Variants in CNTNAP4 observed in about 807,000 individuals in gnomAD.
CNTNAP4 encodes the protein contactin-associated protein-like 4.
In CNTNAP4, 98 loss-of-function variants were observed where a neutral mutation model predicts 148.4. The ratio of observed to expected loss-of-function variants is 0.66; its 90% CI spans 0.56 to 0.78. CNTNAP4 has a LOEUF of 0.78. Ranked by LOEUF, CNTNAP4 falls within the 30% of genes least tolerant of loss-of-function variation. The pLI is 0.00. For synonymous variants in CNTNAP4, 730 were observed against 565.1 expected, an observed-to-expected ratio of 1.29 and a Z score of -4.14; for missense variants, 1,935 against 1,565.6, an observed-to-expected ratio of 1.24 and a Z score of -3.98.
intron 1 of CNTNAP4, among the ~76,000 whole-genome samples, chr16:76,315,824 A>G (rs1464856564): frequency 6.6e-6 from 1 of 151,910 alleles, no homozygotes; most frequent in East Asian, 1.9e-4. Context: ...TGAACTCCTG[A>G]CATCCAGTAA....
At chr16:76,479,948 A>G (rs1597680523) in intron 12 of CNTNAP4, among the ~76,000 whole-genome samples, 2 of 152,308 alleles carry the variant, frequency 1.3e-5, no homozygotes, top group East Asian at 3.9e-4. Context: ...ATTAAATTCA[A>G]CATTCATCCA....
At chr16:76,320,997 C>T (rs537391518) in intron 2 of CNTNAP4, among the ~76,000 whole-genome samples, 1 of 152,248 alleles carries the variant, frequency 6.6e-6, no homozygotes, top group African/African-American at 2.4e-5. Flanking sequence ...CTGTGAGTTT[C>T]CACTCACATC....
intron 1 of CNTNAP4, among the ~76,000 whole-genome samples, chr16:76,315,511 T>A (rs763493145): frequency 1.3e-5 from 2 of 152,230 alleles, no homozygotes; most frequent in Non-Finnish European, 2.9e-5. Context: ...TAGTCTAATG[T>A]CCATAAACTA....
chr16:76,457,157 G>A (rs561514662), intron 8 of CNTNAP4, among the ~76,000 whole-genome samples: 13 of 152,274 alleles, frequency 8.5e-5, no homozygotes, highest in African/African-American at 2.6e-4. Context: ...TCTCCTTCCT[G>A]TTTCACAGTG....
intron 3 of CNTNAP4, among the ~76,000 whole-genome samples, chr16:76,417,334 C>G (rs566625806): frequency 6.6e-6 from 1 of 151,150 alleles, no homozygotes; most frequent in East Asian, 1.9e-4. Context: ...TTTTATGATT[C>G]TATTTTATCT....
At chr16:76,527,536 G>A (rs2083794620) in intron 17 of CNTNAP4, among the ~76,000 whole-genome samples, 1 of 152,126 alleles carries the variant, frequency 6.6e-6, no homozygotes, top group Non-Finnish European at 1.5e-5. Flanking sequence ...TGGATATGGG[G>A]CAAATGAATG....
intron 21 of CNTNAP4, among the ~76,000 whole-genome samples, chr16:76,547,067 T>C (rs939890066): frequency 3.5e-4 from 53 of 152,340 alleles, no homozygotes; most frequent in African/African-American, 1.3e-3. Flanking sequence ...TCTGATGTCA[T>C]GTCTAAGTAC....
chr16:76,537,239 C>G (rs147188242), intron 18 of CNTNAP4, among the ~76,000 whole-genome samples: 18 of 151,874 alleles, frequency 1.2e-4, no homozygotes, highest in Non-Finnish European at 2.5e-4. Context: ...ATATAAAATG[C>G]GTGTTATAGA....
At chr16:76,324,265 A>G (rs981203825) in intron 2 of CNTNAP4, among the ~76,000 whole-genome samples, 1 of 152,218 alleles carries the variant, frequency 6.6e-6, no homozygotes, top group African/African-American at 2.4e-5. Flanking sequence ...GTCAATTAAA[A>G]TATATTCACA....
At chr16:76,443,945 A>G (rs897743038) in intron 4 of CNTNAP4, among the ~76,000 whole-genome samples, 1 of 152,182 alleles carries the variant, frequency 6.6e-6, no homozygotes, top group Non-Finnish European at 1.5e-5. Flanking sequence ...ATCCAAACGT[A>G]TGTTTTCAGT....
chr16:76,522,709 T>TC (rs1568497596), intron 17 of CNTNAP4, among the ~76,000 whole-genome samples: 7,457 of 39,030 alleles, frequency 0.19, 1,399 homozygotes, highest in Admixed American at 0.24. Flanking sequence ...TTCTTTTCTT[T>TC]TCTTTTCTTT....
At position 76,305,000 on chromosome 16, in the gene CNTNAP4, C is replaced by T. The variant is rs910292687; in HGVS notation, c.86-11413C>T. Among the ~76,000 whole-genome samples, 13 of 152,164 alleles carry T rather than the reference C, an allele frequency of 8.5e-5. 1 individual carries two copies. Among genetic ancestry groups the T allele is most frequent in the African/African-American group, 2.7e-4 (11 of 41,452 alleles). On this transcript the variant is annotated intron_variant, in intron 1 of 23. Coordinates refer to ENST00000611870, the MANE Select transcript of CNTNAP4 (RefSeq NM_033401.5). ...ATGTATGTAGCACAGTTTGTTTAAT[C>T]ACTCACCTGTTGAAGTGAGGTTGGA...
chr16:76,538,240 A>C lies in CNTNAP4; in HGVS notation c.3120A>C (p.Glu1040Asp). 1.2e-6 allele frequency: 2 copies of C among 1,611,468 alleles called. No homozygotes were observed. Among genetic ancestry groups the C allele is most frequent in the Non-Finnish European group, 1.7e-6 (2 of 1,179,022 alleles). ...SFHGDMKLSREMIKFSFRTTR... is the reference protein window; with the variant it reads ...SFHGDMKLSRDMIKFSFRTTR... ...ATGGTGATATGAAGCTGAGCAGAGAAATGATCAAATTTAGTTTCCGAACAA... is the reference window on the plus strand; with the variant it reads ...ATGGTGATATGAAGCTGAGCAGAGACATGATCAAATTTAGTTTCCGAACAA... The change falls in exon 19 of 24, where the codon GAA becomes GAC. Residue 1040 changes from glutamate to aspartate, a missense_variant. Transcript: ENST00000611870.
chr16:76,320,721 T>A (rs1241561818), intron 2 of CNTNAP4, among the ~76,000 whole-genome samples: 1 of 152,176 alleles, frequency 6.6e-6, no homozygotes, highest in African/African-American at 2.4e-5. Flanking sequence ...TCTAAATGTG[T>A]CCTTAGTACA....
chr16:76,498,501 G>C (rs1597739678), intron 14 of CNTNAP4, 66 bp from the exon 15 acceptor site: 1 of 1,410,324 alleles, frequency 7.1e-7, no homozygotes, highest in African/African-American at 1.4e-5. Flanking sequence ...AGAACATCTT[G>C]GTTTTGCAAT....
intron 1 of CNTNAP4, among the ~76,000 whole-genome samples, chr16:76,292,164 A>G (rs1005410879): frequency 1.3e-5 from 2 of 152,146 alleles, no homozygotes; most frequent in African/African-American, 4.8e-5. Flanking sequence ...TGCAAATGTC[A>G]ATGTCATGAA....
At chr16:76,542,455 A>T (rs748872869) in intron 21 of CNTNAP4, among the ~76,000 whole-genome samples, 1 of 152,182 alleles carries the variant, frequency 6.6e-6, no homozygotes, top group Non-Finnish European at 1.5e-5. Context: ...AACAAGCAGC[A>T]ACAAAAACAA....
chr16:76,341,815 G>C (rs1964491988), intron 2 of CNTNAP4, among the ~76,000 whole-genome samples: 1 of 152,136 alleles, frequency 6.6e-6, no homozygotes, highest in Admixed American at 6.6e-5. Context: ...AATGAGAGTT[G>C]TGTTAGCTTT....
At chr16:76,528,028 A>G (rs958602953) in intron 17 of CNTNAP4, among the ~76,000 whole-genome samples, 1 of 152,180 alleles carries the variant, frequency 6.6e-6, no homozygotes, top group Non-Finnish European at 1.5e-5. Context: ...AATTTGGTAG[A>G]ACCCTATTGT....
Sources: gnomAD v4.1 joint callset for allele counts (sites outside exome capture counted in the v4.1 genomes callset) on GRCh38, gnomAD v4.1.1 for gene constraint, MANE v1.5 for transcripts, NCBI Gene and HGNC (gene_info 2026-07-23, HGNC 2026-07-21) for gene names.